The following NRXN3 variants were observed in gnomAD, a reference collection of about 807,000 sequenced individuals.
NRXN3 encodes neurexin III.
NRXN3 carries 32 observed loss-of-function variants against 137.6 expected under a neutral mutation model. The observed-to-expected ratio is 0.23, with a 90% CI of 0.18 to 0.31. The LOEUF is 0.31. NRXN3 is among the 10% of genes least tolerant of loss of function. The pLI is 1.00. For synonymous variants in NRXN3, 798 were observed against 784.5 expected, an observed-to-expected ratio of 1.02 and a Z score of -0.29; for missense variants, 1,574 against 2,062.5, an observed-to-expected ratio of 0.76 and a Z score of 4.59.
intron 4 of NRXN3, among the ~76,000 whole-genome samples, chr14:78,408,534 A>G (rs1342557485): frequency 6.6e-6 from 1 of 152,184 alleles, no homozygotes; most frequent in Non-Finnish European, 1.5e-5. Flanking sequence ...ACCTTGCAAC[A>G]AATTTTCCTT....
chr14:79,159,760 G>T (rs185533144), intron 15 of NRXN3, among the ~76,000 whole-genome samples: 6 of 151,878 alleles, frequency 4.0e-5, no homozygotes, highest in Middle Eastern at 6.8e-3. Context: ...GTATTGCTCT[G>T]ATAGGAGCAC....
At chr14:79,002,094 T>C (rs762740574) in intron 15 of NRXN3, among the ~76,000 whole-genome samples, 2 of 152,226 alleles carry the variant, frequency 1.3e-5, no homozygotes, top group African/African-American at 2.4e-5. Context: ...GGGCTAACTG[T>C]GTAGAAGAGG....
chr14:79,576,692 G>C (rs2097668046), intron 16 of NRXN3, among the ~76,000 whole-genome samples: 1 of 152,086 alleles, frequency 6.6e-6, no homozygotes, highest in Non-Finnish European at 1.5e-5. Context: ...ACTCATATCA[G>C]AGACTCCCTC....
At chr14:79,443,719 C>T (rs2096007034) in intron 15 of NRXN3, among the ~76,000 whole-genome samples, 1 of 152,128 alleles carries the variant, frequency 6.6e-6, no homozygotes, top group Admixed American at 6.5e-5. Flanking sequence ...CAAGAAGGGT[C>T]CTGTCCTATT....
intron 6 of NRXN3, among the ~76,000 whole-genome samples, chr14:78,704,007 A>G (rs7158798): frequency 0.3 from 45,610 of 152,124 alleles, 8,812 homozygotes; most frequent in African/African-American, 0.55. Flanking sequence ...GTGCATAGGG[A>G]TGGGGCATTT....
intron 15 of NRXN3, among the ~76,000 whole-genome samples, chr14:79,229,078 A>C (rs2071628985): frequency 2.0e-5 from 3 of 152,142 alleles, no homozygotes; most frequent in South Asian, 4.1e-4. Context: ...GCCATCCATG[A>C]CTAGGACCCA....
intron 16 of NRXN3, among the ~76,000 whole-genome samples, chr14:79,550,423 C>G (rs1201219751): frequency 6.6e-6 from 1 of 152,210 alleles, no homozygotes; most frequent in Non-Finnish European, 1.5e-5. Context: ...GGACATATCA[C>G]AGCACCTTCT....
chr14:79,548,747 TAA>T (rs35900297), intron 16 of NRXN3, among the ~76,000 whole-genome samples: 6,334 of 141,800 alleles, frequency 0.045, 155 homozygotes, highest in Middle Eastern at 0.11. Flanking sequence ...ATTTAAAGAT[TAA>T]AAAAAAAAAA....
At chr14:78,934,507 G>A (rs1234232981) in intron 10 of NRXN3, among the ~76,000 whole-genome samples, 1 of 152,168 alleles carries the variant, frequency 6.6e-6, no homozygotes, top group Non-Finnish European at 1.5e-5. Flanking sequence ...AAGGCAGATT[G>A]CTGGACGGAT....
At chr14:78,783,404 G>T (rs1338958005) in intron 8 of NRXN3, among the ~76,000 whole-genome samples, 1 of 152,282 alleles carries the variant, frequency 6.6e-6, no homozygotes, top group South Asian at 2.1e-4. Context: ...AGGAACTATT[G>T]TAGACTGGAA....
intron 16 of NRXN3, among the ~76,000 whole-genome samples, chr14:79,650,832 G>A (rs1393687993): frequency 6.6e-6 from 1 of 152,162 alleles, no homozygotes; most frequent in Non-Finnish European, 1.5e-5. Context: ...GGCAAGTCTA[G>A]TGCAAACTGA....
intron 3 of NRXN3, among the ~76,000 whole-genome samples, chr14:78,294,425 A>G (rs144648437): frequency 8.0e-4 from 122 of 152,128 alleles, no homozygotes; most frequent in African/African-American, 2.9e-3. Context: ...GCATGGTGGC[A>G]CACACCTGTA....
At chr14:79,471,235 G>A (rs1267612007) in intron 16 of NRXN3, among the ~76,000 whole-genome samples, 3 of 152,072 alleles carry the variant, frequency 2.0e-5, no homozygotes, top group Non-Finnish European at 4.4e-5. Flanking sequence ...GTGGCAAATA[G>A]GCTTCATCTT....
chr14:79,049,267 T>C (rs1044172517), intron 15 of NRXN3, among the ~76,000 whole-genome samples: 3 of 151,948 alleles, frequency 2.0e-5, no homozygotes, highest in African/African-American at 7.3e-5. Flanking sequence ...ATATTCTAAA[T>C]TATTTGTTGT....
At chr14:79,542,309 T>G (rs951985356) in intron 16 of NRXN3, among the ~76,000 whole-genome samples, 1 of 152,216 alleles carries the variant, frequency 6.6e-6, no homozygotes, top group Admixed American at 6.5e-5. Context: ...GTGATAAGAA[T>G]GAGCATGCCT....
At chr14:78,935,054 C>A (rs926478577) in intron 10 of NRXN3, among the ~76,000 whole-genome samples, 4 of 152,078 alleles carry the variant, frequency 2.6e-5, no homozygotes, top group Non-Finnish European at 5.9e-5. Context: ...GGTTATGGCT[C>A]CTAGGCATAT....
rs1603462494 is a variant in NRXN3, at chr14:79,751,870, A to G, written c.4015-53242A>G. 7.9e-5 allele frequency among the ~76,000 whole-genome samples: 12 copies of G among 152,150 alleles called. 1 individual carries two copies. The highest frequency in any genetic ancestry group is 7.9e-4 in the Admixed American group (12 of 15,282). ...TTTGGTTCTGTTTATATGCTGGATT[A>G]CATTGATTGATTTGCATATATTGAA... On this transcript the variant is annotated intron_variant, in intron 19 of 20. Transcript: ENST00000335750.
chr14:78,710,740 T>G (rs2098400155), intron 7 of NRXN3, among the ~76,000 whole-genome samples: 1 of 152,188 alleles, frequency 6.6e-6, no homozygotes, highest in Non-Finnish European at 1.5e-5. Flanking sequence ...CTTTTCTGCA[T>G]AATTCCAAAG....
Position 78,909,864 on chromosome 14 carries a change from CTGTT to C in NRXN3, c.2276-47376_2276-47373del, listed in dbSNP as rs557122089. Among the ~76,000 whole-genome samples the C allele has an allele frequency of 3.2e-4, 48 of 152,108 alleles. No homozygotes were observed. In the East Asian group the frequency reaches 8.7e-3, roughly 28 times the overall value. On this transcript the variant is annotated intron_variant, in intron 10 of 20. Transcript: ENST00000335750. ...CTTTTAGATCTGTCTTTTTCTCTGT[CTGTT>C]TATCTATCTATTTATCTGTCAATCT...
Sources: gnomAD v4.1 joint callset for allele counts (sites outside exome capture counted in the v4.1 genomes callset) on GRCh38, gnomAD v4.1.1 for gene constraint, MANE v1.5 for transcripts, NCBI Gene and HGNC (gene_info 2026-07-23, HGNC 2026-07-21) for gene names.